Variants in PRKAG2 observed in about 807,000 individuals in gnomAD.
PRKAG2 encodes the protein protein kinase AMP-activated non-catalytic subunit gamma 2, also known as 5'-AMP-activated protein kinase subunit gamma-2.
PRKAG2 carries 26 observed loss-of-function variants against 69.6 expected under a neutral mutation model. The ratio of observed to expected loss-of-function variants is 0.37; its 90% CI spans 0.27 to 0.52. The LOEUF (loss-of-function observed/expected upper bound fraction) is 0.52. PRKAG2 is among the 20% of genes least tolerant of loss of function. The pLI is 0.90. For synonymous variants in PRKAG2, 293 were observed against 285.0 expected, an observed-to-expected ratio of 1.03 and a Z score of -0.28; for missense variants, 557 against 740.0, an observed-to-expected ratio of 0.75 and a Z score of 2.87.
intron 3 of PRKAG2, among the ~76,000 whole-genome samples, chr7:151,679,787 A>G (rs930591656): frequency 6.6e-6 from 1 of 151,428 alleles, no homozygotes; most frequent in South Asian, 2.1e-4. Flanking sequence ...AGCCCTGGCC[A>G]GGTGCGGTGG....
At chr7:151,778,965 A>AAC (rs150597786) in intron 3 of PRKAG2, among the ~76,000 whole-genome samples, 25,315 of 151,470 alleles carry the variant, frequency 0.17, 2,242 homozygotes, top group African/African-American at 0.22. Flanking sequence ...ACAAATCCAA[A>AAC]ACACACACAC....
Position 151,807,759 on chromosome 7 carries a change from G to A in PRKAG2, c.115-21218C>T, listed in dbSNP as rs376813062. On this transcript the variant is annotated intron_variant, in intron 1 of 15. Coordinates refer to ENST00000287878, the MANE Select transcript of PRKAG2 (RefSeq NM_016203.4). This position sits in a 1 kb window ranked among gnomAD's most constrained non-coding sequence, Gnocchi z 4.4. ...GCCAGGAGCGAGAACTCGTGCATCC[G>A]AACCCTTCTCTGACTTGGCGGGTTA... The A allele has an allele frequency of 4.1e-4, 153 of 373,834 alleles. 1 individual carries two copies. Among genetic ancestry groups the A allele is most frequent in the Non-Finnish European group, 7.0e-4 (130 of 186,142 alleles). 23.2% of individuals were successfully genotyped at this position (373,834 alleles called of 1,614,324 possible).
chr7:151,564,328 T>G, intron 13 of PRKAG2, 104 bp from the exon 14 acceptor site: 1 of 1,250,118 alleles, frequency 8.0e-7, no homozygotes, highest in South Asian at 1.2e-5. Context: ...ACTTTAATGC[T>G]TATCTGAATT....
intron 3 of PRKAG2, among the ~76,000 whole-genome samples, chr7:151,687,677 C>T (rs1335254011): frequency 1.3e-5 from 2 of 152,234 alleles, no homozygotes; most frequent in South Asian, 2.1e-4. Flanking sequence ...AGTGTGTGGC[C>T]GAGGATCTAC....
intron 1 of PRKAG2, among the ~76,000 whole-genome samples, chr7:151,861,528 C>CA (rs11406004): frequency 0.38 from 36,163 of 94,750 alleles, 7,160 homozygotes; most frequent in African/African-American, 0.48. Context: ...ACTCTGTCTC[C>CA]AAAAAAAAAA....
intron 3 of PRKAG2, among the ~76,000 whole-genome samples, chr7:151,709,423 T>G (rs1839181231): frequency 6.6e-6 from 1 of 152,206 alleles, no homozygotes. Flanking sequence ...TGTTTGTGAC[T>G]GTGTGACCCT....
chr7:151,795,667 G>A (rs2077464114), intron 1 of PRKAG2, among the ~76,000 whole-genome samples: 1 of 151,916 alleles, frequency 6.6e-6, no homozygotes, highest in Non-Finnish European at 1.5e-5. Context: ...GCTGAATGAT[G>A]TGGGTGGGCC....
chr7:151,752,053 G>A (rs2074728043), intron 3 of PRKAG2, among the ~76,000 whole-genome samples: 2 of 152,188 alleles, frequency 1.3e-5, no homozygotes, highest in African/African-American at 4.8e-5. Flanking sequence ...GATGGGGAAA[G>A]TCAAAGGACA....
rs181258476 is a variant in PRKAG2 at position 151,637,008 on chromosome 7, C to A, written c.685-4870G>T. 2.7e-3 allele frequency among the ~76,000 whole-genome samples: 417 copies of A among 152,250 alleles called. 5 individuals carry two copies. Among genetic ancestry groups the A allele is most frequent in the Admixed American group, 3.3e-3 (50 of 15,290 alleles). On this transcript the variant is annotated intron_variant, in intron 4 of 15. Coordinates refer to ENST00000287878, the MANE Select transcript of PRKAG2 (RefSeq NM_016203.4). ...GCATGAGCCACCACACCTGGCCTCT[C>A]TACATTTAATATTTTGAGGACCTGC...
At chr7:151,855,476 ACACACCACCCTC>A (rs1345013325) in intron 1 of PRKAG2, among the ~76,000 whole-genome samples, 4 of 97,834 alleles carry the variant, frequency 4.1e-5, no homozygotes, top group East Asian at 1.1e-3. Context: ...ACCATGCTCC[ACACACCACCCTC>A]CACACACCAC....
At chr7:151,558,455 G>A (rs1470426922) in intron 15 of PRKAG2, 3 of 985,074 alleles carry the variant, frequency 3.0e-6, no homozygotes, top group South Asian at 4.7e-5. Context: ...TGTATCAGCC[G>A]GCTCCTTCTC....
intron 3 of PRKAG2, among the ~76,000 whole-genome samples, chr7:151,714,287 A>T (rs1270699373): frequency 6.6e-6 from 1 of 150,886 alleles, no homozygotes; most frequent in Non-Finnish European, 1.5e-5. Flanking sequence ...AATGTGTGCC[A>T]AGGTATGGGG....
At position 151,719,490 on chromosome 7, in the gene PRKAG2, T is replaced by C. The variant is rs1796698612; in HGVS notation, c.467-43853A>G. On this transcript the variant is annotated intron_variant, in intron 3 of 15. Coordinates refer to ENST00000287878, the MANE Select transcript of PRKAG2 (RefSeq NM_016203.4). The surrounding 1 kb of genome is among the most constrained non-coding windows in gnomAD (Gnocchi z 5.2). ...CAGCCAATGCCTAAGCGCCGGGTGC[T>C]GGGTCACCCTGAGACTCTCGCTGTC... 6.6e-6 allele frequency among the ~76,000 whole-genome samples: 1 copy of C among 152,106 alleles called. No individual in the cohort carries two copies. The highest frequency in any genetic ancestry group is 2.4e-5 in the African/African-American group (1 of 41,452).
chr7:151,694,172 C>G (rs922459162), intron 3 of PRKAG2, among the ~76,000 whole-genome samples: 2 of 152,218 alleles, frequency 1.3e-5, no homozygotes, highest in Non-Finnish European at 2.9e-5. Context: ...CAGTGCCCAG[C>G]CACAATTTCT....
At chr7:151,821,974 G>C (rs536241358) in intron 1 of PRKAG2, among the ~76,000 whole-genome samples, 12 of 152,290 alleles carry the variant, frequency 7.9e-5, no homozygotes, top group Non-Finnish European at 1.5e-4. Flanking sequence ...GAGGCGAACA[G>C]GGCCTGAGAG....
intron 1 of PRKAG2, among the ~76,000 whole-genome samples, chr7:151,816,753 C>G (rs1284509017): frequency 2.6e-5 from 4 of 152,252 alleles, no homozygotes; most frequent in African/African-American, 9.6e-5. Context: ...TCAATATTTT[C>G]TCCTGCTGGT....
chr7:151,599,871 C>G (rs904419651), intron 5 of PRKAG2, among the ~76,000 whole-genome samples: 1 of 152,230 alleles, frequency 6.6e-6, no homozygotes, highest in Non-Finnish European at 1.5e-5. Flanking sequence ...CCGCCTACCT[C>G]CCTGCCTCTT....
rs587781126 is a variant in PRKAG2 at position 151,675,513 on chromosome 7, G to C, written c.591C>G (p.Pro197=). The C allele has an allele frequency of 6.2e-6, 10 of 1,614,120 alleles. No individual in the cohort carries two copies. The highest frequency in any genetic ancestry group is 1.3e-5 in the African/African-American group (1 of 74,946). ...LENRIYASSS[P]PDTGQRFCPS... ...GGCAGAACCTCTGCCCTGTGTCCGG[G>C]GGGGAAGACGAGGCATAGATGCGAT... Residue 197 remains proline, a synonymous_variant, in exon 4 of 16, where the codon CCC becomes CCG. Coordinates refer to ENST00000287878, the MANE Select transcript of PRKAG2 (RefSeq NM_016203.4).
chr7:151,584,579 G>C (rs988388441), intron 6 of PRKAG2, among the ~76,000 whole-genome samples: 1 of 152,200 alleles, frequency 6.6e-6, no homozygotes, highest in Non-Finnish European at 1.5e-5. Context: ...GCTCACTGAA[G>C]TTCCGGAGAA....
Sources: gnomAD v4.1 joint callset for allele counts (sites outside exome capture counted in the v4.1 genomes callset) on GRCh38, gnomAD v4.1.1 for gene constraint, Gnocchi (gnomAD v3.1) non-coding constraint, MANE v1.5 for transcripts, NCBI Gene and HGNC (gene_info 2026-07-23, HGNC 2026-07-21) for gene names.